The following PTPRG variants were observed in gnomAD, a reference collection of about 807,000 sequenced individuals.
PTPRG encodes protein tyrosine phosphatase receptor type G, also known as receptor-type tyrosine-protein phosphatase gamma.
PTPRG carries 102 observed loss-of-function variants against 165.3 expected under a neutral mutation model. The observed-to-expected ratio is 0.62, with a 90% CI of 0.53 to 0.73. The LOEUF (loss-of-function observed/expected upper bound fraction) is 0.73, where lower values mean the gene tolerates loss of function less well. Ranked by LOEUF, PTPRG falls within the 30% of genes least tolerant of loss-of-function variation. The pLI is 0.00. For missense variants in PTPRG, 1,866 were observed against 1,861.4 expected (o/e 1.00, Z -0.05); for synonymous variants, 675 against 669.5 (o/e 1.01, Z -0.13).
chr3:61,892,990 G>A (rs967663464), intron 2 of PTPRG, among the ~76,000 whole-genome samples: 3 of 152,108 alleles, frequency 2.0e-5, no homozygotes, highest in African/African-American at 7.2e-5. Context: ...AATCAAACTC[G>A]ATTCAAAACC....
chr3:61,681,054 T>TAAAAAAAAAAAAAAAAAAAAAA (rs61198100), intron 1 of PTPRG, among the ~76,000 whole-genome samples: 1 of 66,104 alleles, frequency 1.5e-5, no homozygotes, highest in African/African-American at 5.4e-5. Flanking sequence ...CTTTATGTTC[T>TAAAAAAAAAAAAAAAAAAAAAA]AAAAAAAAAA....
intron 2 of PTPRG, among the ~76,000 whole-genome samples, chr3:61,816,094 C>T (rs1345694657): frequency 1.3e-5 from 2 of 152,156 alleles, no homozygotes; most frequent in Non-Finnish European, 2.9e-5. Context: ...ACTTCAGTAT[C>T]ATCTAGTCAA....
At chr3:61,978,741 T>C (rs1446647606) in intron 2 of PTPRG, among the ~76,000 whole-genome samples, 1 of 152,216 alleles carries the variant, frequency 6.6e-6, no homozygotes, top group Non-Finnish European at 1.5e-5. Flanking sequence ...TTTTAGACTT[T>C]GCTGTCTCTT....
chr3:61,635,275 T>C (rs968709617), intron 1 of PTPRG, among the ~76,000 whole-genome samples: 4 of 151,386 alleles, frequency 2.6e-5, no homozygotes, highest in Non-Finnish European at 5.9e-5. Context: ...TGAAATGCTA[T>C]GAGAAAGGCC....
chr3:61,800,389 T>C (rs987740226), intron 2 of PTPRG, among the ~76,000 whole-genome samples: 1 of 151,786 alleles, frequency 6.6e-6, no homozygotes, highest in South Asian at 2.1e-4. Context: ...GATAAAGAGT[T>C]TTTACTTGAA....
intron 7 of PTPRG, among the ~76,000 whole-genome samples, chr3:62,159,914 G>T (rs898927557): frequency 6.6e-6 from 1 of 152,198 alleles, no homozygotes. Context: ...GGAAAGGAAA[G>T]CATTCGCCAT....
intron 5 of PTPRG, among the ~76,000 whole-genome samples, chr3:62,126,490 C>T (rs910616588): frequency 2.0e-5 from 3 of 152,176 alleles, no homozygotes; most frequent in Non-Finnish European, 2.9e-5. Context: ...ATATTAATCC[C>T]TTCCCAAGGC....
intron 2 of PTPRG, among the ~76,000 whole-genome samples, chr3:61,790,411 C>T (rs535383626): frequency 7.2e-5 from 11 of 152,136 alleles, no homozygotes; most frequent in African/African-American, 2.6e-4. Flanking sequence ...TGTTTTAGTC[C>T]AGTGGTTTGG....
At chr3:61,684,807 A>G (rs1332253828) in intron 1 of PTPRG, among the ~76,000 whole-genome samples, 1 of 152,172 alleles carries the variant, frequency 6.6e-6, no homozygotes, top group Non-Finnish European at 1.5e-5. Flanking sequence ...TTTACAGTTG[A>G]CTGGGAAAGG....
chr3:61,702,590 A>G (rs961183447), intron 1 of PTPRG, among the ~76,000 whole-genome samples: 4 of 152,220 alleles, frequency 2.6e-5, no homozygotes, highest in African/African-American at 9.6e-5. Flanking sequence ...GTGTGTTTCT[A>G]TAGGTGTGTT....
chr3:61,930,228 G>A (rs1304908358), intron 2 of PTPRG, among the ~76,000 whole-genome samples: 1 of 152,108 alleles, frequency 6.6e-6, no homozygotes, highest in Non-Finnish European at 1.5e-5. Context: ...AGCTGTGTGT[G>A]TTTTTAGGAA....
At chr3:61,669,701 A>G (rs141700793) in intron 1 of PTPRG, among the ~76,000 whole-genome samples, 1 of 152,308 alleles carries the variant, frequency 6.6e-6, no homozygotes, top group East Asian at 1.9e-4. Context: ...TCTGTAGGAT[A>G]CACATTACTT....
intron 1 of PTPRG, among the ~76,000 whole-genome samples, chr3:61,653,502 C>T (rs942375803): frequency 1.3e-5 from 2 of 151,812 alleles, no homozygotes; most frequent in African/African-American, 2.4e-5. Context: ...TTTTAGTCCT[C>T]ACGTATTTAT....
At chr3:61,904,430 A>C (rs2038589126) in intron 2 of PTPRG, among the ~76,000 whole-genome samples, 1 of 152,192 alleles carries the variant, frequency 6.6e-6, no homozygotes, top group South Asian at 2.1e-4. Flanking sequence ...ATCTCCCTAC[A>C]GGCCCAAGCA....
At chr3:62,049,687 TTAGACATGTATAA>T (rs1273423570) in intron 4 of PTPRG, among the ~76,000 whole-genome samples, 2 of 152,170 alleles carry the variant, frequency 1.3e-5, no homozygotes, top group Admixed American at 1.3e-4. Flanking sequence ...CTGGGGAAAC[TTAGACATGTATAA>T]TATCTTACGA....
Position 62,203,890 on chromosome 3 carries a change from A to T in PTPRG, c.2095A>T (p.Lys699Ter). Reference protein sequence around the residue: ...DPKRPEMPSKKPMSRGDRFSE... With the variant: ...DPKRPEMPSK Reference sequence around the variant, plus strand: ...CAAGAGGCCCGAAATGCCATCTAAAAAGCCTATGTCCCGCGGGGACCGATT... The same window carrying T: ...CAAGAGGCCCGAAATGCCATCTAAATAGCCTATGTCCCGCGGGGACCGATT... The change falls in exon 12 of 30, where the codon AAG becomes TAG. Residue 699 changes from lysine to a stop codon, truncating the protein, a stop_gained. Coordinates refer to ENST00000474889, the MANE Select transcript of PTPRG (RefSeq NM_002841.4). LOFTEE classifies it high-confidence loss of function. This position sits in a 1 kb window ranked among gnomAD's most constrained non-coding sequence, Gnocchi z 6.4. The T allele has an allele frequency of 6.2e-7, 1 of 1,612,998 alleles. No homozygotes were observed. The highest frequency in any genetic ancestry group is 8.5e-7 in the Non-Finnish European group (1 of 1,179,484).
At chr3:61,574,333 T>C (rs1328189295) in intron 1 of PTPRG, among the ~76,000 whole-genome samples, 4 of 152,228 alleles carry the variant, frequency 2.6e-5, no homozygotes, top group Non-Finnish European at 5.9e-5. Flanking sequence ...TCACCAGATC[T>C]ACTGCCCTTG....
intron 2 of PTPRG, among the ~76,000 whole-genome samples, chr3:61,947,980 GA>G (rs2039805141): frequency 6.6e-6 from 1 of 152,142 alleles, no homozygotes; most frequent in African/African-American, 2.4e-5. Flanking sequence ...AGAATGAGAA[GA>G]ATTGGTGCTG....
At chr3:62,127,524 C>T (rs539039296) in intron 5 of PTPRG, among the ~76,000 whole-genome samples, 1 of 152,348 alleles carries the variant, frequency 6.6e-6, no homozygotes, top group South Asian at 2.1e-4. Flanking sequence ...CCCTTTGTCA[C>T]TTTCCTCTGC....
Sources: gnomAD v4.1 joint callset for allele counts (sites outside exome capture counted in the v4.1 genomes callset) on GRCh38, gnomAD v4.1.1 for gene constraint, Gnocchi (gnomAD v3.1) non-coding constraint, MANE v1.5 for transcripts, NCBI Gene and HGNC (gene_info 2026-07-23, HGNC 2026-07-21) for gene names.